Variants in TPD52 observed in about 807,000 individuals in gnomAD.
TPD52 encodes tumor protein D52, also known as prostate and colon associated protein.
A neutral mutation model predicts 31.3 loss-of-function variants in TPD52; 17 were observed. The observed-to-expected ratio is 0.54, with a 90% CI of 0.37 to 0.82. TPD52 has a LOEUF of 0.82. Among genes scored for constraint, TPD52 ranks in the 40% least tolerant of loss-of-function variants. The probability of loss-of-function intolerance (pLI) is 0.00; values close to 1 mark genes in which losing one functional copy is unlikely to be tolerated. For synonymous variants in TPD52, 83 were observed against 89.6 expected, an observed-to-expected ratio of 0.93 and a Z score of 0.42; for missense variants, 212 against 240.1, an observed-to-expected ratio of 0.88 and a Z score of 0.77.
chr8:80,055,124 A>G (rs1280752682), intron 2 of TPD52, among the ~76,000 whole-genome samples: 1 of 152,190 alleles, frequency 6.6e-6, no homozygotes, highest in Non-Finnish European at 1.5e-5. Context: ...CCAAAGCTTC[A>G]GACACTTCTA....
At chr8:80,047,152 G>C (rs565220718) in intron 5 of TPD52, among the ~76,000 whole-genome samples, 123 of 152,246 alleles carry the variant, frequency 8.1e-4, no homozygotes, top group Non-Finnish European at 1.0e-3. Context: ...CTGCTCTGGG[G>C]AGGCCCAGGA....
At chr8:80,042,437 T>TACACTAAA (rs1173290191) in intron 7 of TPD52, 183 bp downstream of exon 7, 2 of 985,348 alleles carry the variant, frequency 2.0e-6, no homozygotes, top group African/African-American at 3.5e-5. Flanking sequence ...CACTACAGCA[T>TACACTAAA]ACACTAAAAA....
rs187023165 is a variant in TPD52 at position 80,056,918 on chromosome 8, C to T, written c.136-3488G>A. Among the ~76,000 whole-genome samples, 996 of 152,258 alleles carry T rather than the reference C, an allele frequency of 6.5e-3. 5 individuals carry two copies. The highest frequency in any genetic ancestry group is 0.01 in the Admixed American group (158 of 15,300). On this transcript the variant is annotated intron_variant, in intron 2 of 7. Coordinates refer to ENST00000518937, the MANE Select transcript of TPD52 (RefSeq NM_001025253.3). Reference sequence around the variant, plus strand: ...GTGCAATGGCTCACGGCTGTAATCCCAGCACTTTGGGAGGCCAAGGTGGAC... The same window carrying T: ...GTGCAATGGCTCACGGCTGTAATCCTAGCACTTTGGGAGGCCAAGGTGGAC...
At chr8:80,143,763 T>C (rs1262651285) in intron 1 of TPD52, among the ~76,000 whole-genome samples, 1 of 152,196 alleles carries the variant, frequency 6.6e-6, no homozygotes, top group Non-Finnish European at 1.5e-5. Flanking sequence ...AATGAAAAAC[T>C]TACTAATGAT....
rs191346759 is a variant in TPD52, at chr8:80,060,178, C to T, written c.135+4300G>A. On this transcript the variant is annotated intron_variant, in intron 2 of 7. Transcript: ENST00000518937. ...AAAAAGAGAGAGAAGGCATAAATAA[C>T]TAAAATCAAATGAAAGTGGGGACAT... is the stretch of plus-strand genomic sequence containing the variant. Among the ~76,000 whole-genome samples the T allele has an allele frequency of 3.1e-5, 4 of 130,138 alleles. No homozygotes were observed. The East Asian group carries it at 9.3e-4, about 30-fold the overall frequency. 85.4% of individuals were successfully genotyped at this position (130,138 alleles called of 152,430 possible).
chr8:80,067,017 C>G (rs1354911939), intron 1 of TPD52: 1 of 152,192 alleles, frequency 6.6e-6, no homozygotes, highest in African/African-American at 2.4e-5. Context: ...ATAGCAAAGA[C>G]TCTTTCATGC....
chr8:80,064,071 A>G (rs1812851884), intron 2 of TPD52, among the ~76,000 whole-genome samples: 1 of 149,710 alleles, frequency 6.7e-6, no homozygotes, highest in African/African-American at 2.5e-5. Context: ...GAGGGGAGGG[A>G]AGGAGGGAGC....
chr8:80,051,624 T>G lies in TPD52; in HGVS notation c.289A>C (p.Lys97Gln), dbSNP rs777409925. ...TGGGATAAGGTTTCAGATGTCTTCTTGTAACTATATTAAATTATAAACACA... is the reference window on the plus strand; with the variant it reads ...TGGGATAAGGTTTCAGATGTCTTCTGGTAACTATATTAAATTATAAACACA... ...WQDVTATSAY[K>Q]KTSETLSQAG... Residue 97 changes from lysine to glutamine, a missense_variant, in exon 4 of 8, where the codon AAG (lysine) becomes CAG (glutamine). Physicochemically the swap from Lys to Gln is moderately conservative, Grantham distance 53. Transcript: ENST00000518937. The G allele has an allele frequency of 1.9e-6, 3 of 1,596,184 alleles. No individual in the cohort carries two copies. Among genetic ancestry groups the G allele is most frequent in the East Asian group, 4.5e-5 (2 of 44,532 alleles).
chr8:80,054,196 A>T (rs1158886412), intron 2 of TPD52, among the ~76,000 whole-genome samples: 1 of 152,200 alleles, frequency 6.6e-6, no homozygotes, highest in Non-Finnish European at 1.5e-5. Context: ...GAGAAGTGAG[A>T]TGACATTGCA....
downstream of TPD52, chr8:80,032,803 A>G (rs1201230984): frequency 2.6e-5 from 4 of 152,258 alleles, no homozygotes; most frequent in Non-Finnish European, 5.9e-5. Context: ...ATAGTGTCAC[A>G]AAGTTCTTAG....
At chr8:80,079,704 C>T (rs183408957) in intron 1 of TPD52, among the ~76,000 whole-genome samples, 2 of 152,296 alleles carry the variant, frequency 1.3e-5, no homozygotes. Flanking sequence ...CTTTCTGCTG[C>T]CTTGTGCCAA....
chr8:80,118,902 A>G (rs1808053800), intron 1 of TPD52, among the ~76,000 whole-genome samples: 1 of 152,226 alleles, frequency 6.6e-6, no homozygotes, highest in African/African-American at 2.4e-5. Context: ...GTATTACCCC[A>G]TAATTGCACT....
chr8:80,057,463 T>A, intron 2 of TPD52, among the ~76,000 whole-genome samples: 1 of 152,176 alleles, frequency 6.6e-6, no homozygotes, highest in East Asian at 1.9e-4. Flanking sequence ...GTGGTACATA[T>A]ACATCATGGA....
intron 1 of TPD52, among the ~76,000 whole-genome samples, chr8:80,074,844 C>A (rs1814331519): frequency 6.6e-6 from 1 of 152,062 alleles, no homozygotes; most frequent in Admixed American, 6.5e-5. Flanking sequence ...AACAGTAAAA[C>A]CTTAGGGGGA....
intron 1 of TPD52, among the ~76,000 whole-genome samples, chr8:80,076,433 T>C (rs1303345685): frequency 6.6e-6 from 1 of 151,856 alleles, no homozygotes; most frequent in Non-Finnish European, 1.5e-5. Context: ...CCTTGTCACT[T>C]ATAAGTGGGG....
rs572812012 is a variant in TPD52 at position 80,152,555 on chromosome 8, T to C, written c.19+18870A>G. ...TAGCACTTTGGGAGGCCAAGGCAGGTAGATCACCTGAGGTCAGGAGTCCGA... is the reference window on the plus strand; with the variant it reads ...TAGCACTTTGGGAGGCCAAGGCAGGCAGATCACCTGAGGTCAGGAGTCCGA... On this transcript the variant is annotated intron_variant, in intron 1 of 7. Transcript: ENST00000518937. 1.8e-4 allele frequency among the ~76,000 whole-genome samples: 28 copies of C among 151,984 alleles called. No individual in the cohort carries two copies. In the East Asian group the frequency reaches 5.2e-3, roughly 28 times the overall value.
intron 7 of TPD52, 30 bp downstream of exon 7, chr8:80,042,590 C>A: frequency 6.3e-7 from 1 of 1,588,320 alleles, no homozygotes; most frequent in South Asian, 1.2e-5. Context: ...GGCAATGTAT[C>A]AAAAAGACCC....
intron 2 of TPD52, among the ~76,000 whole-genome samples, chr8:80,054,744 G>GAA (rs34889193): frequency 0.024 from 3,543 of 144,668 alleles, 99 homozygotes; most frequent in African/African-American, 0.064. Flanking sequence ...CAGCTGCCAA[G>GAA]AAAAAAAAAA....
chr8:80,080,162 T>G (rs1323123576), intron 1 of TPD52, among the ~76,000 whole-genome samples: 1 of 152,240 alleles, frequency 6.6e-6, no homozygotes, highest in Non-Finnish European at 1.5e-5. Context: ...GCCATCTATC[T>G]CTGTACTTTG....
Sources: gnomAD v4.1 joint callset for allele counts (sites outside exome capture counted in the v4.1 genomes callset) on GRCh38, gnomAD v4.1.1 for gene constraint, MANE v1.5 for transcripts, NCBI Gene and HGNC (gene_info 2026-07-23, HGNC 2026-07-21) for gene names.